The following ETV6 variants were observed in gnomAD, a reference collection of about 807,000 sequenced individuals.
ETV6 encodes the protein ETS variant transcription factor 6, also known as transcription factor ETV6.
A neutral mutation model predicts 51.1 loss-of-function variants in ETV6; 16 were observed. The observed-to-expected ratio is 0.31, with a 90% CI of 0.21 to 0.48. The LOEUF (loss-of-function observed/expected upper bound fraction) is 0.48, where lower values mean the gene tolerates loss of function less well. ETV6 is among the 20% of genes least tolerant of loss of function. The pLI, the probability that ETV6 is intolerant of heterozygous loss-of-function variation, is 0.99. For missense variants in ETV6, 458 were observed against 594.8 expected, an observed-to-expected ratio of 0.77 and a Z score of 2.39; for synonymous variants, 240 against 224.1, an observed-to-expected ratio of 1.07 and a Z score of -0.64.
chr12:11,878,824 A>G (rs1591744419), intron 5 of ETV6, among the ~76,000 whole-genome samples: 1 of 65,406 alleles, frequency 1.5e-5, no homozygotes, highest in Non-Finnish European at 3.5e-5. Context: ...GAGGAGGAGG[A>G]GGGGAAAAAA....
At chr12:11,727,606 A>T (rs1161538300) in intron 1 of ETV6, among the ~76,000 whole-genome samples, 1 of 152,152 alleles carries the variant, frequency 6.6e-6, no homozygotes, top group Non-Finnish European at 1.5e-5. Context: ...TCTAGTTAAG[A>T]GGCTTGATTA....
intron 1 of ETV6, among the ~76,000 whole-genome samples, chr12:11,721,642 A>G (rs749465027): frequency 3.9e-5 from 6 of 152,192 alleles, no homozygotes; most frequent in Non-Finnish European, 7.3e-5. Context: ...CACTACCTGG[A>G]TGCAAGATAC....
At chr12:11,717,394 A>T (rs1452735350) in intron 1 of ETV6, among the ~76,000 whole-genome samples, 4 of 152,216 alleles carry the variant, frequency 2.6e-5, no homozygotes, top group African/African-American at 9.6e-5. Context: ...GTTCTGGAGG[A>T]CAGGCTGTGC....
chr12:11,815,524 T>G (rs947175938), intron 2 of ETV6, among the ~76,000 whole-genome samples: 2 of 152,226 alleles, frequency 1.3e-5, no homozygotes, highest in African/African-American at 4.8e-5. Context: ...TCCGTCTACT[T>G]GGGCCACTTT....
chr12:11,877,864 G>T (rs775194184), intron 5 of ETV6, among the ~76,000 whole-genome samples: 1 of 152,186 alleles, frequency 6.6e-6, no homozygotes, highest in African/African-American at 2.4e-5. Flanking sequence ...ACATGTGAAT[G>T]CATGGCACAA....
chr12:11,661,079 T>G (rs1565476636), intron 1 of ETV6, among the ~76,000 whole-genome samples: 1 of 152,198 alleles, frequency 6.6e-6, no homozygotes, highest in Non-Finnish European at 1.5e-5. Flanking sequence ...AACCTCAAAG[T>G]CCTGGGCTCA....
chr12:11,797,305 A>T (rs1477880896), intron 2 of ETV6, among the ~76,000 whole-genome samples: 4 of 152,180 alleles, frequency 2.6e-5, no homozygotes, highest in African/African-American at 9.6e-5. Context: ...CTGTACCCAC[A>T]GAGTCAGGGT....
chr12:11,771,389 T>C (rs76229189), intron 2 of ETV6, among the ~76,000 whole-genome samples: 5,338 of 152,312 alleles, frequency 0.035, 105 homozygotes, highest in Middle Eastern at 0.1. Context: ...AGTCATACTT[T>C]TAATGATATT....
chr12:11,758,845 C>T (rs1040822740), intron 2 of ETV6, among the ~76,000 whole-genome samples: 3 of 152,184 alleles, frequency 2.0e-5, no homozygotes, highest in Admixed American at 6.5e-5. Flanking sequence ...CTAACAAAGC[C>T]GACCAGCCAC....
At chr12:11,828,870 T>C (rs1421089404) in intron 2 of ETV6, among the ~76,000 whole-genome samples, 12 of 152,244 alleles carry the variant, frequency 7.9e-5, no homozygotes, top group Non-Finnish European at 1.6e-4. Flanking sequence ...TAATTTTGAT[T>C]TTTAAAATAT....
At chr12:11,720,152 G>T (rs1189709469) in intron 1 of ETV6, among the ~76,000 whole-genome samples, 1 of 152,132 alleles carries the variant, frequency 6.6e-6, no homozygotes, top group African/African-American at 2.4e-5. Flanking sequence ...CTGAAGATAG[G>T]AAAAGGGGCT....
intron 1 of ETV6, among the ~76,000 whole-genome samples, chr12:11,711,876 TC>T (rs1865179420): frequency 6.6e-6 from 1 of 152,180 alleles, no homozygotes; most frequent in Non-Finnish European, 1.5e-5. Flanking sequence ...TTCCCAACCT[TC>T]CCCCCGTGGG....
rs555606653 is a variant in ETV6 at position 11,746,404 on chromosome 12, G to A, written c.34-6046G>A. Among the ~76,000 whole-genome samples the A allele has an allele frequency of 2.0e-3, 309 of 152,224 alleles. 4 individuals are homozygous for A. Among genetic ancestry groups the A allele is most frequent in the African/African-American group, 7.1e-3 (295 of 41,544 alleles). ...GGAGATAACGATGCCTTCCTTGCAG[G>A]GTCATTGTGAGGCTGAAATAAAATA... is the stretch of plus-strand genomic sequence containing the variant. On this transcript the variant is annotated intron_variant, in intron 1 of 7. Coordinates refer to ENST00000396373, the MANE Select transcript of ETV6 (RefSeq NM_001987.5).
chr12:11,693,300 T>C (rs561369745), intron 1 of ETV6, among the ~76,000 whole-genome samples: 4 of 152,298 alleles, frequency 2.6e-5, no homozygotes, highest in Non-Finnish European at 5.9e-5. Flanking sequence ...CGTATGCAGT[T>C]CCTGGAGGCA....
At chr12:11,791,077 T>C (rs1945580570) in intron 2 of ETV6, among the ~76,000 whole-genome samples, 1 of 152,230 alleles carries the variant, frequency 6.6e-6, no homozygotes, top group South Asian at 2.1e-4. Context: ...CCCAATCCTT[T>C]CACGGATTCT....
At chr12:11,661,872 G>C (rs1482929850) in intron 1 of ETV6, among the ~76,000 whole-genome samples, 2 of 152,232 alleles carry the variant, frequency 1.3e-5, no homozygotes, top group Non-Finnish European at 2.9e-5. Context: ...CTCCTCTGCA[G>C]GCAGAAGTCA....
chr12:11,652,323 G>T (rs572847013), intron 1 of ETV6, among the ~76,000 whole-genome samples: 34 of 152,194 alleles, frequency 2.2e-4, no homozygotes, highest in Non-Finnish European at 4.3e-4. Context: ...AAGCACTAGA[G>T]ATCAAGGACT....
chr12:11,718,023 C>T (rs1392975354), intron 1 of ETV6, among the ~76,000 whole-genome samples: 1 of 152,180 alleles, frequency 6.6e-6, no homozygotes, highest in Non-Finnish European at 1.5e-5. Flanking sequence ...AAACAACCTT[C>T]TTCGAAACAT....
At chr12:11,830,444 C>T (rs1280979994) in intron 2 of ETV6, among the ~76,000 whole-genome samples, 1 of 152,196 alleles carries the variant, frequency 6.6e-6, no homozygotes, top group Non-Finnish European at 1.5e-5. Flanking sequence ...TCAGTTTCTT[C>T]TGAAAATACA....
Sources: gnomAD v4.1 joint callset for allele counts (sites outside exome capture counted in the v4.1 genomes callset) on GRCh38, gnomAD v4.1.1 for gene constraint, MANE v1.5 for transcripts, NCBI Gene and HGNC (gene_info 2026-07-23, HGNC 2026-07-21) for gene names.